The following THAP1 variants were observed in gnomAD, a reference collection of about 807,000 sequenced individuals.
THAP1 encodes THAP domain containing 1, also known as THAP domain-containing protein 1.
In THAP1, 6 loss-of-function variants were observed where a neutral mutation model predicts 18.2. The observed-to-expected ratio is 0.33, with a 90% CI of 0.18 to 0.65. THAP1 has a LOEUF of 0.65. THAP1 is among the 30% of genes least tolerant of loss of function. THAP1 has a pLI of 0.74. For synonymous variants in THAP1, 85 were observed against 90.5 expected (o/e 0.94, Z 0.34); for missense variants, 176 against 253.0 (o/e 0.70, Z 2.06).
rs953995817 is a variant in THAP1 at position 42,842,364 on chromosome 8, C to T, written c.71+660G>A. 3 of 152,222 alleles carry T rather than the reference C, an allele frequency of 2.0e-5. No homozygotes were observed. The East Asian group carries it at 5.8e-4, about 29-fold the overall frequency. The allele number at this position is 152,222 out of a possible 1,614,324, so 9.4% of individuals were successfully genotyped here. On this transcript the variant is annotated intron_variant, in intron 1 of 2. Transcript: ENST00000254250. The stretch of plus-strand genomic sequence containing the variant: ...GCAGTTTCTTTCGAAAGAGCTTTCT[C>T]TATGCACAGGTAATGCCATAATAAA...
Position 42,839,252 on chromosome 8 carries a change from G to A in THAP1, c.201C>T (p.Cys67=), listed in dbSNP as rs1474750778. 6.2e-7 allele frequency: 1 copy of A among 1,614,098 alleles called. No individual in the cohort carries two copies. Among genetic ancestry groups the A allele is most frequent in the South Asian group, 1.1e-5 (1 of 91,084 alleles). Residue 67 remains cysteine, a synonymous_variant, in exon 2 of 3, where the codon TGC becomes TGT. Transcript: ENST00000254250. ...HFTPDCFKRE[C]NNKLLKENAV... is the part of the protein sequence containing the mutation. ...CATTCTCTTTCAGTAACTTGTTGTT[G>A]CACTCTCTCTTAAAGCAGTCTGGAG...
chr8:42,837,963 T>A lies in THAP1; in HGVS notation c.641A>T (p.Ter214LeuextTer9). 6.2e-7 allele frequency: 1 copy of A among 1,612,688 alleles called. No individual in the cohort carries two copies. Among genetic ancestry groups the A allele is most frequent in the Non-Finnish European group, 8.5e-7 (1 of 1,180,022 alleles). Reference protein sequence around the residue: ...DYFEIVEVPA* With the variant: ...DYFEIVEVPAL ...GAAATCAATACACATTTCATTTTTT[T>A]ATGCTGGTACTTCAACTATTTCAAA... is the stretch of plus-strand genomic sequence containing the variant. The change falls in exon 3 of 3, where the codon TAA (stop) becomes TTA (leucine). Residue 214 changes from the stop codon to leucine, a stop_lost. Coordinates refer to ENST00000254250, the MANE Select transcript of THAP1 (RefSeq NM_018105.3).
intron 1 of THAP1, among the ~76,000 whole-genome samples, chr8:42,840,369 C>T (rs963766157): frequency 7.9e-5 from 12 of 152,078 alleles, no homozygotes; most frequent in African/African-American, 2.7e-4. Flanking sequence ...CAGATAATAA[C>T]GAAAGAATTT....
chr8:42,839,536 A>C (rs562267010), intron 1 of THAP1, among the ~76,000 whole-genome samples, 155 bp from the exon 2 acceptor site: 1 of 151,670 alleles, frequency 6.6e-6, no homozygotes, highest in African/African-American at 2.4e-5. Context: ...TTATCTATTT[A>C]TCTCATTTAT....
At chr8:42,839,046 T>C in intron 2 of THAP1, 140 bp downstream of exon 2, 1 of 885,068 alleles carries the variant, frequency 1.1e-6, no homozygotes, top group Non-Finnish European at 1.8e-6. Flanking sequence ...ATTTTGTGTT[T>C]TCAGAAGTGT....
At position 42,837,924 on chromosome 8, in the gene THAP1, G is replaced by A. The variant is rs747246177; in HGVS notation, c.*38C>T. 6.2e-7 allele frequency: 1 copy of A among 1,604,850 alleles called. No individual in the cohort carries two copies. The highest frequency in any genetic ancestry group is 1.3e-5 in the African/African-American group (1 of 74,916). ...TTTACAGGCTAGAGGAGGATATGTG[G>A]TATTGCCCCATTAGAAATCAATACA... On this transcript the variant is annotated 3_prime_UTR_variant, in exon 3 of 3. Transcript: ENST00000254250.
chr8:42,842,083 T>C (rs376448985), intron 1 of THAP1, among the ~76,000 whole-genome samples: 1 of 152,264 alleles, frequency 6.6e-6, no homozygotes, highest in Non-Finnish European at 1.5e-5. Flanking sequence ...CTAATCTGTA[T>C]AGTTTACCCC....
rs1302119719 is a variant in THAP1 at position 42,837,649 on chromosome 8, ACTTTTT to A, written c.*307_*312del. The A allele has an allele frequency of 5.6e-6, 1 of 179,056 alleles. No individual in the cohort carries two copies. Among genetic ancestry groups the A allele is most frequent in the East Asian group, 1.5e-4 (1 of 6,572 alleles). The allele number at this position is 179,056 out of a possible 1,614,324, so 11.1% of individuals were successfully genotyped here. On this transcript the variant is annotated 3_prime_UTR_variant, in exon 3 of 3. Transcript: ENST00000254250. Reference sequence around the variant, plus strand: ...TTACCACACTGTTCTCATTCTCTTTACTTTTTATTTTTACATTATTTCTATAAATAC... The same window carrying A: ...TTACCACACTGTTCTCATTCTCTTTAATTTTTACATTATTTCTATAAATAC...
At position 42,837,800 on chromosome 8, in the gene THAP1, A is replaced by C; in HGVS notation, c.*162T>G. ...AAAAACCTGAAATTACAAACAAAAAAATTTATAATTTTACAGTATATATAG... is the reference window on the plus strand; with the variant it reads ...AAAAACCTGAAATTACAAACAAAAACATTTATAATTTTACAGTATATATAG... On this transcript the variant is annotated 3_prime_UTR_variant, in exon 3 of 3. Coordinates refer to ENST00000254250, the MANE Select transcript of THAP1 (RefSeq NM_018105.3). The C allele has an allele frequency of 1.5e-6, 1 of 658,446 alleles. No homozygotes were observed. The allele number at this position is 658,446 out of a possible 1,614,324, so 40.8% of individuals were successfully genotyped here. A position where few individuals can be genotyped will look rare whatever the true frequency, so the allele number is the denominator to read the frequency against.
rs970671865 is a variant in THAP1, at chr8:42,842,992, G to A, written c.71+32C>T. On this transcript the variant is annotated intron_variant, in intron 1 of 2. Coordinates refer to ENST00000254250, the MANE Select transcript of THAP1 (RefSeq NM_018105.3). ...GGCCGCGCGCCCCCACCCCGGCTGA[G>A]ACCGGCCCCGCGAGGCGCGCAGGGT... 11 of 1,593,020 alleles carry A rather than the reference G, an allele frequency of 6.9e-6. No homozygotes were observed. The African/African-American group carries it at 8.1e-5, about 12-fold the overall frequency.
At chr8:42,839,083 C>G in intron 2 of THAP1, 103 bp downstream of exon 2, 1 of 1,252,850 alleles carries the variant, frequency 8.0e-7, no homozygotes, top group Non-Finnish European at 1.2e-6. Flanking sequence ...AGGTTCCAGG[C>G]ACATTTATTC....
At chr8:42,839,058 T>A in intron 2 of THAP1, 128 bp downstream of exon 2, 1 of 963,458 alleles carries the variant, frequency 1.0e-6, no homozygotes, top group South Asian at 1.4e-5. Flanking sequence ...CAGAAGTGTA[T>A]CACTGTTAAC....
Position 42,839,246 on chromosome 8 carries a change from G to C in THAP1, c.207C>G (p.Asn69Lys). 1 of 1,614,120 alleles carries C rather than the reference G, an allele frequency of 6.2e-7. No individual in the cohort carries two copies. Among genetic ancestry groups the C allele is most frequent in the Non-Finnish European group, 8.5e-7 (1 of 1,180,008 alleles). The change falls in exon 2 of 3, where the codon AAC (asparagine) becomes AAG (lysine). Residue 69 changes from asparagine (N) to lysine (K), a missense_variant. Physicochemically the swap from Asn to Lys is moderately conservative, Grantham distance 94. Coordinates refer to ENST00000254250, the MANE Select transcript of THAP1 (RefSeq NM_018105.3). The part of the protein sequence containing the change: ...TPDCFKRECN[N>K]KLLKENAVPT... ...GCACAGCATTCTCTTTCAGTAACTTGTTGTTGCACTCTCTCTTAAAGCAGT... is the reference window on the plus strand; with the variant it reads ...GCACAGCATTCTCTTTCAGTAACTTCTTGTTGCACTCTCTCTTAAAGCAGT...
intron 1 of THAP1, among the ~76,000 whole-genome samples, chr8:42,841,013 C>T (rs531274078): frequency 5.2e-4 from 79 of 151,302 alleles, no homozygotes; most frequent in Admixed American, 9.2e-4. Context: ...CTGGAACGGC[C>T]TCTATAAGTA....
In THAP1 at chr8:42,836,877, C is replaced by A. The variant is rs1166831464; in HGVS notation, c.*1085G>T. 6.6e-6 allele frequency: 1 copy of A among 152,244 alleles called. No homozygotes were observed. The highest frequency in any genetic ancestry group is 1.9e-4 in the East Asian group (1 of 5,200). 9.4% of individuals were successfully genotyped at this position (152,244 alleles called of 1,614,324 possible). ...AAAATTTCTCACAAAGAACAGAACT[C>A]ACAGTTTGAACAGAAACCTCAGTGT... On this transcript the variant is annotated 3_prime_UTR_variant, in exon 3 of 3. Transcript: ENST00000254250.
chr8:42,839,367 C>A lies in THAP1; in HGVS notation c.86G>T (p.Arg29Leu). 1 of 1,613,792 alleles carries A rather than the reference C, an allele frequency of 6.2e-7. No individual in the cohort carries two copies. The highest frequency in any genetic ancestry group is 1.1e-5 in the South Asian group (1 of 91,038). ...PVSFHKFPLT[R>L]PSLCKEWEAA... ...CTCCCATTCTTTACAAAGACTGGGT[C>A]GAGTAAGAGGAAACCTAAGAAGAAG... The change falls in exon 2 of 3, where the codon CGA becomes CTA. Residue 29 changes from arginine (R) to leucine (L), a missense_variant. Physicochemically the swap from Arg to Leu is moderately radical, Grantham distance 102. Coordinates refer to ENST00000254250, the MANE Select transcript of THAP1 (RefSeq NM_018105.3).
In THAP1 at chr8:42,839,234, T is replaced by C. The variant is rs757498036; in HGVS notation, c.219A>G (p.Lys73=). The C allele has an allele frequency of 4.3e-6, 7 of 1,614,034 alleles. No homozygotes were observed. Among genetic ancestry groups the C allele is most frequent in the Middle Eastern group, 1.6e-4 (1 of 6,082 alleles). ...GAAATATTGTGGGCACAGCATTCTC[T>C]TTCAGTAACTTGTTGTTGCACTCTC... The part of the protein sequence containing the change: ...FKRECNNKLL[K]ENAVPTIFLC... The change falls in exon 2 of 3, where the codon AAA becomes AAG. Residue 73 remains lysine, a synonymous_variant. Transcript: ENST00000254250.
At chr8:42,840,174 G>A (rs553115462) in intron 1 of THAP1, among the ~76,000 whole-genome samples, 7 of 152,200 alleles carry the variant, frequency 4.6e-5, no homozygotes, top group Middle Eastern at 3.4e-3. Context: ...CAGCCTGGGT[G>A]ACAGAGCCAT....
At chr8:42,840,434 G>T (rs1034854180) in intron 1 of THAP1, among the ~76,000 whole-genome samples, 10 of 152,196 alleles carry the variant, frequency 6.6e-5, no homozygotes. Context: ...GATAGTGAGA[G>T]TTTACATTTA....
Sources: allele counts gnomAD v4.1 joint callset (sites outside exome capture counted in the v4.1 genomes callset), GRCh38; gene constraint gnomAD v4.1.1; transcripts MANE v1.5; gene names NCBI Gene and HGNC (gene_info 2026-07-23, HGNC 2026-07-21).